The following SCMH1 variants were observed in gnomAD, a reference collection of about 807,000 sequenced individuals.
The protein encoded by SCMH1 is polycomb protein SCMH1.
In SCMH1, 37 loss-of-function variants were observed where a neutral mutation model predicts 70.8. That is an observed-to-expected ratio of 0.52 (90% CI 0.40 to 0.69). The LOEUF (loss-of-function observed/expected upper bound fraction) is 0.69. Among genes scored for constraint, SCMH1 ranks in the 30% least tolerant of loss-of-function variants. The pLI, the probability that SCMH1 is intolerant of heterozygous loss-of-function variation, is 0.00. For synonymous variants in SCMH1, 292 were observed against 307.4 expected (o/e 0.95, Z 0.52); for missense variants, 607 against 827.3 (o/e 0.73, Z 3.27).
At chr1:41,128,429 A>G (rs1344777020) in intron 6 of SCMH1, among the ~76,000 whole-genome samples, 2 of 152,188 alleles carry the variant, frequency 1.3e-5, no homozygotes, top group Non-Finnish European at 2.9e-5. Context: ...CTTGCTTGGT[A>G]TAGAATTCTA....
At chr1:41,134,440 C>T (rs1642936308) in intron 6 of SCMH1, among the ~76,000 whole-genome samples, 1 of 152,142 alleles carries the variant, frequency 6.6e-6, no homozygotes, top group Non-Finnish European at 1.5e-5. Context: ...CTAGGGCAAT[C>T]AGGCAAGAGA....
intron 3 of SCMH1, 136 bp from the exon 4 acceptor site, chr1:41,161,034 T>C (rs973949378): frequency 5.2e-6 from 5 of 967,164 alleles, no homozygotes; most frequent in Non-Finnish European, 6.3e-6. Context: ...GACACTGAGA[T>C]TCTTAGTAGT....
chr1:41,145,491 A>C (rs1280639851), intron 5 of SCMH1, among the ~76,000 whole-genome samples: 1 of 152,214 alleles, frequency 6.6e-6, no homozygotes, highest in East Asian at 1.9e-4. Context: ...GAAATCAGGA[A>C]ATGTGAATCC....
intron 8 of SCMH1, among the ~76,000 whole-genome samples, chr1:41,077,876 C>T (rs1170118910): frequency 6.6e-6 from 1 of 152,064 alleles, no homozygotes; most frequent in Non-Finnish European, 1.5e-5. Context: ...AATTATTAGA[C>T]ATAACAGAGT....
rs137922151 is a variant in SCMH1 at position 41,155,184 on chromosome 1, T to C, written c.107-3500A>G. The stretch of plus-strand genomic sequence containing the variant: ...TACCACGTGATAGTTACATTTATTA[T>C]TAAAAAAGAAAAAAAGGTACCTGCC... On this transcript the variant is annotated intron_variant, in intron 4 of 14. Coordinates refer to ENST00000337495, the Ensembl canonical transcript of SCMH1. 7.3e-3 allele frequency among the ~76,000 whole-genome samples: 1,104 copies of C among 152,192 alleles called. 17 individuals are homozygous for C. Among genetic ancestry groups the C allele is most frequent in the African/African-American group, 0.025 (1,046 of 41,502 alleles).
At chr1:41,130,372 G>A (rs1423848560) in intron 6 of SCMH1, among the ~76,000 whole-genome samples, 8 of 152,030 alleles carry the variant, frequency 5.3e-5, no homozygotes. Context: ...ATGCACAAAA[G>A]TTTTGAATTT....
At chr1:41,221,705 T>G (rs912362219) in intron 1 of SCMH1, among the ~76,000 whole-genome samples, 1 of 151,102 alleles carries the variant, frequency 6.6e-6, no homozygotes, top group African/African-American at 2.4e-5. Context: ...CTGGCCAACA[T>G]GGCGAAACCC....
chr1:41,151,424 G>A (rs556886092), intron 5 of SCMH1, among the ~76,000 whole-genome samples, 190 bp downstream of exon 5: 3 of 152,304 alleles, frequency 2.0e-5, no homozygotes, highest in Admixed American at 2.0e-4. Context: ...GGATGAAGGT[G>A]GAAAGAATGT....
intron 1 of SCMH1, among the ~76,000 whole-genome samples, chr1:41,186,742 T>G (rs1650314068): frequency 6.6e-6 from 1 of 152,190 alleles, no homozygotes. Context: ...GGATGAGACA[T>G]GAGAGATATC....
chr1:41,051,698 AAAAAT>A (rs1648225557), intron 10 of SCMH1, among the ~76,000 whole-genome samples: 1 of 152,204 alleles, frequency 6.6e-6, no homozygotes. Context: ...GAATAAAGAT[AAAAAT>A]AAAATATTTT....
intron 11 of SCMH1, among the ~76,000 whole-genome samples, chr1:41,047,420 G>A (rs1485591513): frequency 8.2e-5 from 11 of 134,074 alleles, no homozygotes; most frequent in African/African-American, 2.5e-4. Context: ...TTTTTGAGAC[G>A]GAGTCTTGCT....
intron 1 of SCMH1, among the ~76,000 whole-genome samples, chr1:41,221,613 C>T (rs1301678116): frequency 3.3e-5 from 5 of 150,520 alleles, no homozygotes; most frequent in African/African-American, 1.2e-4. Flanking sequence ...AGGGCCCAGG[C>T]GCGGTGGCTC....
intron 1 of SCMH1, among the ~76,000 whole-genome samples, chr1:41,236,769 T>C (rs1557892483): frequency 6.6e-6 from 1 of 152,230 alleles, no homozygotes; most frequent in African/African-American, 2.4e-5. Context: ...GCTATGTAAA[T>C]AGTTGTTATA....
rs561510125 is a variant in SCMH1, at chr1:41,233,226, A to G, written c.-118+8833T>C. Among the ~76,000 whole-genome samples, 3 of 149,996 alleles carry G rather than the reference A, an allele frequency of 2.0e-5. No individual in the cohort carries two copies. In the South Asian group the frequency reaches 6.2e-4, roughly 31 times the overall value. On this transcript the variant is annotated intron_variant, in intron 1 of 14. Coordinates refer to ENST00000337495, the Ensembl canonical transcript of SCMH1. ...TATATATATAAGCCATATATATATA[A>G]GCCATATAACTCTTTCCACATACCA...
In SCMH1 at chr1:41,046,514, CAG is replaced by C. The variant is rs749040280; in HGVS notation, c.1389_1390del (p.Cys464ProfsTer5). 1 of 1,614,178 alleles carries C rather than the reference CAG, an allele frequency of 6.2e-7. No individual in the cohort carries two copies. The highest frequency in any genetic ancestry group is 1.7e-5 in the Admixed American group (1 of 60,026). The stretch of plus-strand genomic sequence containing the variant: ...CAGATTGTCACTACGAAGGTTGTGG[CAG>C]AGTTTCTCCAGGAAGCGGAGGACGT... On this transcript the variant is annotated frameshift_variant, in exon 12 of 15. Transcript: ENST00000337495. LOFTEE classifies it high-confidence loss of function.
Position 41,114,140 on chromosome 1 carries a change from T to C in SCMH1, c.502-614A>G, listed in dbSNP as rs906629870. Among the ~76,000 whole-genome samples the C allele has an allele frequency of 2.0e-5, 3 of 152,224 alleles. No homozygotes were observed. The East Asian group carries it at 5.8e-4, about 29-fold the overall frequency. ...ATCCTTGCACTTCTTTGTATATGTG[T>C]AGGAAGGTTTCTTTAGGTTATACAT... is the stretch of plus-strand genomic sequence containing the variant. On this transcript the variant is annotated intron_variant, in intron 7 of 14. Coordinates refer to ENST00000337495, the Ensembl canonical transcript of SCMH1.
At chr1:41,040,367 G>A (rs539490860) in intron 12 of SCMH1, among the ~76,000 whole-genome samples, 3 of 152,280 alleles carry the variant, frequency 2.0e-5, no homozygotes, top group South Asian at 4.1e-4. Context: ...AGTGGAGGAT[G>A]ATCAGAGTGG....
At chr1:41,234,044 A>T (rs938645829) in intron 1 of SCMH1, among the ~76,000 whole-genome samples, 1 of 152,144 alleles carries the variant, frequency 6.6e-6, no homozygotes, top group Non-Finnish European at 1.5e-5. Flanking sequence ...CACCTGGCAG[A>T]TTCCACCCAC....
chr1:41,140,097 T>C (rs778047607), intron 6 of SCMH1, among the ~76,000 whole-genome samples: 2 of 152,098 alleles, frequency 1.3e-5, no homozygotes, highest in Non-Finnish European at 2.9e-5. Context: ...GTGGTAGTGT[T>C]GGTATTGTTA....
Sources: gnomAD v4.1 joint callset for allele counts (sites outside exome capture counted in the v4.1 genomes callset) on GRCh38, gnomAD v4.1.1 for gene constraint, MANE v1.5 for transcripts, NCBI Gene and HGNC (gene_info 2026-07-23, HGNC 2026-07-21) for gene names.